SGCZ: variants seen among roughly 807,000 people sequenced by gnomAD.
The protein encoded by SGCZ is sarcoglycan zeta.
A neutral mutation model predicts 41.3 loss-of-function variants in SGCZ; 40 were observed. The ratio of observed to expected loss-of-function variants is 0.97; its 90% CI spans 0.75 to 1.26. The LOEUF is 1.26. Among genes scored for constraint, SGCZ ranks in the 50% most tolerant of loss-of-function variants. The probability of loss-of-function intolerance (pLI) is 0.00; values close to 1 mark genes in which losing one functional copy is unlikely to be tolerated. For synonymous variants in SGCZ, 206 were observed against 137.5 expected (o/e 1.50, Z -3.49); for missense variants, 552 against 369.8 (o/e 1.49, Z -4.04).
chr8:14,439,813 T>C (rs1363833560), intron 2 of SGCZ, among the ~76,000 whole-genome samples: 1 of 152,024 alleles, frequency 6.6e-6, no homozygotes. Context: ...GGAACTTATA[T>C]TATGCTTAAT....
chr8:14,764,159 G>A (rs138041788), intron 1 of SGCZ, among the ~76,000 whole-genome samples: 17 of 152,298 alleles, frequency 1.1e-4, no homozygotes, highest in African/African-American at 4.1e-4. Context: ...GTTTGTCCTA[G>A]ACAAAGAGAC....
chr8:14,948,527 T>G (rs1800529708), intron 1 of SGCZ, among the ~76,000 whole-genome samples: 1 of 152,008 alleles, frequency 6.6e-6, no homozygotes, highest in Non-Finnish European at 1.5e-5. Context: ...ATTATTACCC[T>G]TCTTCCCTTC....
chr8:14,682,521 G>A (rs953982809), intron 1 of SGCZ, among the ~76,000 whole-genome samples: 3 of 149,008 alleles, frequency 2.0e-5, no homozygotes, highest in Non-Finnish European at 3.0e-5. Context: ...TGCAATCTCC[G>A]CCTCCCGGGT....
At chr8:14,957,735 G>A (rs527920948) in intron 1 of SGCZ, among the ~76,000 whole-genome samples, 18 of 151,970 alleles carry the variant, frequency 1.2e-4, no homozygotes, top group African/African-American at 2.4e-4. Flanking sequence ...TCAATGTTAC[G>A]TATTGTGAAT....
intron 4 of SGCZ, among the ~76,000 whole-genome samples, chr8:14,182,881 G>T (rs745793023): frequency 1.4e-4 from 21 of 151,702 alleles, no homozygotes; most frequent in Non-Finnish European, 2.6e-4. Flanking sequence ...GGGGAGGCAG[G>T]CACCTGTAAT....
intron 1 of SGCZ, among the ~76,000 whole-genome samples, chr8:14,931,727 A>T (rs1799927530): frequency 6.6e-6 from 1 of 152,086 alleles, no homozygotes; most frequent in African/African-American, 2.4e-5. Context: ...TTCTTCTAAC[A>T]TTAAAGCCTT....
intron 1 of SGCZ, among the ~76,000 whole-genome samples, chr8:15,119,379 A>C (rs945222805): frequency 2.0e-5 from 3 of 151,724 alleles, no homozygotes; most frequent in African/African-American, 7.3e-5. Context: ...AAAATACAAA[A>C]ATTAGCTGAG....
At chr8:14,738,579 A>C (rs12680937) in intron 1 of SGCZ, among the ~76,000 whole-genome samples, 1 of 152,070 alleles carries the variant, frequency 6.6e-6, no homozygotes, top group Non-Finnish European at 1.5e-5. Flanking sequence ...ATTCTGATAC[A>C]CCACTCTTAA....
In SGCZ at chr8:14,978,663, C is replaced by G. The variant is rs539870506; in HGVS notation, c.39+258922G>C. 1.2e-4 allele frequency among the ~76,000 whole-genome samples: 19 copies of G among 152,150 alleles called. No homozygotes were observed. The South Asian group carries it at 3.9e-3, about 32-fold the overall frequency. On this transcript the variant is annotated intron_variant, in intron 1 of 7. Transcript: ENST00000382080. Reference sequence around the variant, plus strand: ...AGGCCTGAAACAAGTCTTCAAATCTCACTTTCCTTTGCATTCTATGCTATG... The same window carrying G: ...AGGCCTGAAACAAGTCTTCAAATCTGACTTTCCTTTGCATTCTATGCTATG...
At chr8:14,356,024 A>G (rs1803282556) in intron 2 of SGCZ, among the ~76,000 whole-genome samples, 1 of 152,188 alleles carries the variant, frequency 6.6e-6, no homozygotes, top group African/African-American at 2.4e-5. Context: ...CTGGGCTAGT[A>G]ATATGCAGTT....
intron 4 of SGCZ, among the ~76,000 whole-genome samples, chr8:14,202,130 T>G (rs1461884716): frequency 6.6e-6 from 1 of 152,138 alleles, no homozygotes; most frequent in Non-Finnish European, 1.5e-5. Context: ...CCCAATGTCA[T>G]TACAGAGTCC....
At chr8:14,273,368 G>C (rs1012664361) in intron 3 of SGCZ, among the ~76,000 whole-genome samples, 2 of 151,920 alleles carry the variant, frequency 1.3e-5, no homozygotes, top group African/African-American at 4.8e-5. Context: ...TGAAATGTGA[G>C]CACAAAGCTC....
rs150880643 is a variant in SGCZ at position 14,826,739 on chromosome 8, G to C, written c.40-271813C>G. On this transcript the variant is annotated intron_variant, in intron 1 of 7. Coordinates refer to ENST00000382080, the MANE Select transcript of SGCZ (RefSeq NM_139167.4). ...TGGCTGCATAAATGTCTTCTTTTGA[G>C]AAGTGTCTGTTTATATCCTTTGCCG... Among the ~76,000 whole-genome samples the C allele has an allele frequency of 9.2e-4, 140 of 152,280 alleles. 1 individual carries two copies. In the Middle Eastern group the frequency reaches 0.024, roughly 26 times the overall value.
chr8:14,450,330 A>G (rs564773773), intron 2 of SGCZ, among the ~76,000 whole-genome samples: 7 of 152,334 alleles, frequency 4.6e-5, no homozygotes, highest in Admixed American at 2.0e-4. Flanking sequence ...TGCGGTATGC[A>G]TATACGTGTT....
At chr8:14,666,572 T>C (rs893814122) in intron 1 of SGCZ, among the ~76,000 whole-genome samples, 23 of 152,108 alleles carry the variant, frequency 1.5e-4, no homozygotes, top group Admixed American at 3.3e-4. Context: ...GGCTTTTTTC[T>C]GTAGATAAAC....
In SGCZ at chr8:14,176,711, G is replaced by A. The variant is rs566277212; in HGVS notation, c.425-12009C>T. ...CAGGCTAGGTTCAAGTGGGTGGGGG[G>A]CCAAGAACACGATACCCAGCCTAGG... On this transcript the variant is annotated intron_variant, in intron 4 of 7. Transcript: ENST00000382080. 4.0e-4 allele frequency among the ~76,000 whole-genome samples: 61 copies of A among 152,262 alleles called. 3 individuals carry two copies. In the South Asian group the frequency reaches 9.7e-3, roughly 24 times the overall value.
At chr8:14,712,329 A>T (rs1809547054) in intron 1 of SGCZ, among the ~76,000 whole-genome samples, 1 of 152,344 alleles carries the variant, frequency 6.6e-6, no homozygotes, top group South Asian at 2.1e-4. Context: ...TAAACTTCGC[A>T]GAATTGTAAT....
At chr8:14,100,919 C>T (rs555361211) in intron 7 of SGCZ, among the ~76,000 whole-genome samples, 2 of 151,432 alleles carry the variant, frequency 1.3e-5, no homozygotes, top group African/African-American at 4.8e-5. Context: ...AATTTAAAAA[C>T]GATAAATAAC....
At chr8:14,517,704 G>A (rs1802663998) in intron 2 of SGCZ, among the ~76,000 whole-genome samples, 1 of 151,774 alleles carries the variant, frequency 6.6e-6, no homozygotes, top group African/African-American at 2.4e-5. Context: ...CGCATTTTTA[G>A]GGGATATTGC....
Sources: gnomAD v4.1 joint callset for allele counts (sites outside exome capture counted in the v4.1 genomes callset) on GRCh38, gnomAD v4.1.1 for gene constraint, MANE v1.5 for transcripts, NCBI Gene and HGNC (gene_info 2026-07-23, HGNC 2026-07-21) for gene names.